PSD3: variants seen among roughly 807,000 people sequenced by gnomAD.
PSD3 encodes the protein PH and SEC7 domain-containing protein 3.
PSD3 carries 49 observed loss-of-function variants against 105.5 expected under a neutral mutation model. That is an observed-to-expected ratio of 0.46 (90% CI 0.37 to 0.59). The LOEUF (loss-of-function observed/expected upper bound fraction) is 0.59, where lower values mean the gene tolerates loss of function less well. Ranked by LOEUF, PSD3 falls within the 20% of genes least tolerant of loss-of-function variation. The pLI, the probability that PSD3 is intolerant of heterozygous loss-of-function variation, is 0.00. For synonymous variants in PSD3, 557 were observed against 457.8 expected, an observed-to-expected ratio of 1.22 and a Z score of -2.77; for missense variants, 1,561 against 1,263.8, an observed-to-expected ratio of 1.24 and a Z score of -3.57.
At chr8:18,678,812 CAA>C (rs10708717) in intron 9 of PSD3, among the ~76,000 whole-genome samples, 168 of 146,614 alleles carry the variant, frequency 1.1e-3, no homozygotes, top group Middle Eastern at 3.5e-3. Flanking sequence ...AACTCCGTCT[CAA>C]AAAAAAAAAA....
intron 9 of PSD3, among the ~76,000 whole-genome samples, chr8:18,663,738 G>C (rs757049407): frequency 3.3e-5 from 5 of 152,172 alleles, no homozygotes; most frequent in Admixed American, 2.0e-4. Flanking sequence ...TCTTTGTAGA[G>C]TAAAGGTTTT....
chr8:18,808,657 T>G, intron 4 of PSD3: 2 of 1,506,374 alleles, frequency 1.3e-6, no homozygotes, highest in Non-Finnish European at 9.2e-7. Flanking sequence ...ATGGCTTCAT[T>G]CTGTCCATTT....
intron 9 of PSD3, among the ~76,000 whole-genome samples, chr8:18,742,011 T>C (rs999303856): frequency 1.3e-5 from 2 of 152,110 alleles, no homozygotes; most frequent in African/African-American, 4.8e-5. Flanking sequence ...ATAAAAACAT[T>C]ACCAGGAGTA....
intron 9 of PSD3, among the ~76,000 whole-genome samples, chr8:18,678,009 CA>C (rs11404371): frequency 3.7e-5 from 5 of 134,784 alleles, no homozygotes; most frequent in Admixed American, 7.4e-5. Context: ...GACTCTGTCT[CA>C]AAAAAAAAAA....
At chr8:18,998,644 G>GCA (rs1283380103) in intron 1 of PSD3, among the ~76,000 whole-genome samples, 1 of 151,958 alleles carries the variant, frequency 6.6e-6, no homozygotes, top group Non-Finnish European at 1.5e-5. Context: ...CCAAGATCTT[G>GCA]CCACTGCACT....
At chr8:19,064,702 C>G (rs932580299) in intron 1 of PSD3, among the ~76,000 whole-genome samples, 1 of 152,194 alleles carries the variant, frequency 6.6e-6, no homozygotes, top group African/African-American at 2.4e-5. Flanking sequence ...ATTCTTCCCA[C>G]TCAGCATTCT....
At chr8:18,750,982 C>T (rs1177202815) in intron 9 of PSD3, among the ~76,000 whole-genome samples, 2 of 152,164 alleles carry the variant, frequency 1.3e-5, no homozygotes, top group Non-Finnish European at 2.9e-5. Flanking sequence ...TGGCTTCACC[C>T]AGTGGATCCC....
chr8:18,635,805 G>A (rs539459754), intron 10 of PSD3, among the ~76,000 whole-genome samples: 2 of 144,232 alleles, frequency 1.4e-5, no homozygotes, highest in East Asian at 2.1e-4. Flanking sequence ...AACACCACAT[G>A]TTCTCACTCA....
chr8:18,713,504 C>T (rs1450169105), intron 9 of PSD3, among the ~76,000 whole-genome samples: 2 of 152,012 alleles, frequency 1.3e-5, no homozygotes, highest in East Asian at 3.9e-4. Context: ...AAGCAGAGAG[C>T]CAAATCATGA....
intron 8 of PSD3, among the ~76,000 whole-genome samples, chr8:18,772,188 C>A (rs1023798560): frequency 5.3e-4 from 80 of 152,156 alleles, no homozygotes; most frequent in Non-Finnish European, 1.3e-4. Flanking sequence ...TGGCTACGAA[C>A]ATGGGTGGGC....
chr8:18,557,812 T>C (rs560371666), intron 14 of PSD3, among the ~76,000 whole-genome samples: 2 of 152,254 alleles, frequency 1.3e-5, no homozygotes, highest in Non-Finnish European at 2.9e-5. Context: ...GTAGCTTTTA[T>C]TTACAAGTTC....
intron 2 of PSD3, among the ~76,000 whole-genome samples, chr8:18,915,279 C>T (rs189951952): frequency 3.9e-4 from 60 of 152,244 alleles, no homozygotes; most frequent in African/African-American, 1.4e-3. Flanking sequence ...TGACACTCGT[C>T]TAGGCCATGA....
chr8:18,546,766 T>G (rs748061635), intron 15 of PSD3, among the ~76,000 whole-genome samples: 38 of 152,234 alleles, frequency 2.5e-4, no homozygotes, highest in Non-Finnish European at 4.0e-4. Flanking sequence ...TTGTACCTTT[T>G]GATCAACATC....
At position 18,535,231 on chromosome 8, in the gene PSD3, T is replaced by TC. The variant is rs1166040257; in HGVS notation, c.*511dup. ...CTGCCTCATATTGGAGCAACTAGAT[T>TC]CCCAGCACTGTGATTCTTACTGGAG... On this transcript the variant is annotated 3_prime_UTR_variant, in exon 16 of 16. Coordinates refer to ENST00000327040, the MANE Select transcript of PSD3 (RefSeq NM_015310.4). The TC allele has an allele frequency of 6.2e-6, 1 of 160,702 alleles. No homozygotes were observed. The highest frequency in any genetic ancestry group is 2.4e-5 in the African/African-American group (1 of 41,496). The allele number at this position is 160,702 out of a possible 1,614,324, so 10.0% of individuals were successfully genotyped here.
chr8:18,958,261 T>C (rs1823702394), intron 1 of PSD3, among the ~76,000 whole-genome samples: 3 of 152,218 alleles, frequency 2.0e-5, no homozygotes, highest in African/African-American at 7.2e-5. Context: ...TCTACATAAT[T>C]ATGTATGCAC....
chr8:18,707,990 C>T (rs1011637420), intron 9 of PSD3, among the ~76,000 whole-genome samples: 2 of 152,210 alleles, frequency 1.3e-5, no homozygotes, highest in African/African-American at 2.4e-5. Context: ...ATTTCCTTCT[C>T]TGCTCTTGTA....
chr8:18,762,110 T>C (rs940430587), intron 9 of PSD3, among the ~76,000 whole-genome samples: 7 of 152,174 alleles, frequency 4.6e-5, no homozygotes, highest in Admixed American at 2.0e-4. Flanking sequence ...TGTTGAATAA[T>C]AATCCGTAGT....
intron 11 of PSD3, among the ~76,000 whole-genome samples, chr8:18,614,423 T>C (rs1805503817): frequency 6.6e-6 from 1 of 151,114 alleles, no homozygotes; most frequent in African/African-American, 2.4e-5. Context: ...TTTTTTTTTT[T>C]TAGTGCTTAA....
chr8:18,881,803 C>T (rs1818122164), intron 2 of PSD3, among the ~76,000 whole-genome samples: 2 of 152,158 alleles, frequency 1.3e-5, no homozygotes, highest in Non-Finnish European at 2.9e-5. Context: ...ACTTTATTTG[C>T]TTTCTTTACA....
Sources: allele counts gnomAD v4.1 joint callset (sites outside exome capture counted in the v4.1 genomes callset), GRCh38; gene constraint gnomAD v4.1.1; transcripts MANE v1.5; gene names NCBI Gene and HGNC (gene_info 2026-07-23, HGNC 2026-07-21).